DSCAM: variants seen among roughly 807,000 people sequenced by gnomAD.
The protein encoded by DSCAM is DS cell adhesion molecule.
DSCAM carries 47 observed loss-of-function variants against 217.7 expected under a neutral mutation model. The ratio of observed to expected loss-of-function variants is 0.22; its 90% CI spans 0.17 to 0.28. The LOEUF (loss-of-function observed/expected upper bound fraction) is 0.28. Ranked by LOEUF, DSCAM falls within the 10% of genes least tolerant of loss-of-function variation. The pLI is 1.00. For synonymous variants in DSCAM, 1,056 were observed against 1,015.3 expected (o/e 1.04, Z -0.76); for missense variants, 2,080 against 2,618.3 (o/e 0.79, Z 4.49).
intron 4 of DSCAM, among the ~76,000 whole-genome samples, 171 bp downstream of exon 4, chr21:40,368,928 T>C (rs2074863450): frequency 6.6e-6 from 1 of 152,252 alleles, no homozygotes; most frequent in Non-Finnish European, 1.5e-5. Context: ...TGTATTTCTA[T>C]GAAATTGTAC....
intron 1 of DSCAM, among the ~76,000 whole-genome samples, chr21:40,807,966 G>C (rs570377997): frequency 3.1e-4 from 47 of 152,304 alleles, no homozygotes; most frequent in African/African-American, 9.6e-4. Flanking sequence ...CTGCTGTCCA[G>C]ATTCCTACTT....
chr21:40,597,500 C>CTTTTTTTTTTTTTTTTTTT (rs10530311), intron 3 of DSCAM, among the ~76,000 whole-genome samples: 1 of 75,854 alleles, frequency 1.3e-5, no homozygotes, highest in Non-Finnish European at 2.3e-5. Context: ...CAGTAATAGG[C>CTTTTTTTTTTTTTTTTTTT]TTTTTTTTTT....
intron 3 of DSCAM, among the ~76,000 whole-genome samples, chr21:40,506,613 T>C (rs2076212089): frequency 6.6e-6 from 1 of 152,162 alleles, no homozygotes; most frequent in African/African-American, 2.4e-5. Flanking sequence ...TTTGTATATA[T>C]GGCCAAAGAA....
At chr21:40,142,456 C>T (rs2090303314) in intron 18 of DSCAM, 102 bp downstream of exon 18, 2 of 1,298,682 alleles carry the variant, frequency 1.5e-6, no homozygotes, top group East Asian at 4.7e-5. Flanking sequence ...TAAAGAGGTG[C>T]CCGCCATATC....
intron 11 of DSCAM, among the ~76,000 whole-genome samples, chr21:40,227,153 G>C (rs1302231552): frequency 6.6e-6 from 1 of 151,944 alleles, no homozygotes; most frequent in East Asian, 1.9e-4. Flanking sequence ...TTAGGCTCTA[G>C]GAGGAAAAAA....
rs61560593 is a variant in DSCAM at position 40,512,010 on chromosome 21, A to AAAAAAAAAAAAAAAT, written c.509-142766_509-142765insATTTTTTTTTTTTTT. Among the ~76,000 whole-genome samples, 18 of 106,410 alleles carry AAAAAAAAAAAAAAAT rather than the reference A, an allele frequency of 1.7e-4. 4 individuals carry two copies. Among genetic ancestry groups the AAAAAAAAAAAAAAAT allele is most frequent in the Admixed American group, 2.1e-4 (2 of 9,346 alleles). 69.8% of individuals were successfully genotyped at this position (106,410 alleles called of 152,430 possible). Reference sequence around the variant, plus strand: ...TGTCTCAAAAAAAAAAAAAAAAAAAAGTATTCTATTTGAGGTCTTGCTTTT... The same window carrying AAAAAAAAAAAAAAAT: ...TGTCTCAAAAAAAAAAAAAAAAAAAAAAAAAAAAAAAAAATGTATTCTATTTGAGGTCTTGCTTTT... On this transcript the variant is annotated intron_variant, in intron 3 of 32. Transcript: ENST00000400454.
intron 27 of DSCAM, 37 bp downstream of exon 27, chr21:40,075,000 G>A (rs1357540975): frequency 1.2e-6 from 2 of 1,606,960 alleles, no homozygotes; most frequent in Admixed American, 1.7e-5. Context: ...AGAGCAGCAG[G>A]GGACACGCGT....
intron 6 of DSCAM, among the ~76,000 whole-genome samples, chr21:40,342,226 T>C (rs1452979808): frequency 6.6e-6 from 1 of 152,176 alleles, no homozygotes; most frequent in Non-Finnish European, 1.5e-5. Context: ...TATCTTATAA[T>C]GATCTGATAC....
intron 19 of DSCAM, among the ~76,000 whole-genome samples, chr21:40,125,191 C>T (rs947815834): frequency 6.6e-6 from 1 of 152,162 alleles, no homozygotes; most frequent in Non-Finnish European, 1.5e-5. Context: ...CCTCTGTAAA[C>T]CAGCTAAGAA....
At chr21:40,767,225 A>G (rs1490662476) in intron 1 of DSCAM, among the ~76,000 whole-genome samples, 2 of 152,138 alleles carry the variant, frequency 1.3e-5, no homozygotes, top group Admixed American at 6.5e-5. Flanking sequence ...TCCTTTTCCT[A>G]CTAGAGTAAG....
At chr21:40,365,023 A>G (rs1408550712) in intron 4 of DSCAM, among the ~76,000 whole-genome samples, 1 of 150,754 alleles carries the variant, frequency 6.6e-6, no homozygotes, top group Non-Finnish European at 1.5e-5. Context: ...CACTTATCCC[A>G]CTATATATGC....
chr21:40,473,534 C>G (rs756954499), intron 3 of DSCAM, among the ~76,000 whole-genome samples: 2 of 152,178 alleles, frequency 1.3e-5, no homozygotes, highest in Non-Finnish European at 2.9e-5. Flanking sequence ...ACTGAGGGCT[C>G]TGAAATTGGG....
chr21:40,589,814 A>G (rs2076971636), intron 3 of DSCAM, among the ~76,000 whole-genome samples: 1 of 152,162 alleles, frequency 6.6e-6, no homozygotes, highest in Non-Finnish European at 1.5e-5. Flanking sequence ...CACACAAACT[A>G]TTTGAGAATA....
chr21:40,773,832 G>C (rs2091466530), intron 1 of DSCAM, among the ~76,000 whole-genome samples: 1 of 152,192 alleles, frequency 6.6e-6, no homozygotes, highest in South Asian at 2.1e-4. Context: ...TTGTAAGTAA[G>C]GGAATAATCC....
intron 3 of DSCAM, among the ~76,000 whole-genome samples, chr21:40,631,298 G>A (rs987606195): frequency 3.9e-5 from 6 of 152,136 alleles, no homozygotes; most frequent in African/African-American, 9.7e-5. Context: ...AAATCTCACC[G>A]CTTGATAATT....
chr21:40,145,810 A>C (rs2090348372), intron 16 of DSCAM, among the ~76,000 whole-genome samples: 2 of 151,836 alleles, frequency 1.3e-5, no homozygotes, highest in South Asian at 4.2e-4. Context: ...GCCCCACTGC[A>C]CTCCAGCCTG....
At chr21:40,778,169 C>T (rs754849753) in intron 1 of DSCAM, among the ~76,000 whole-genome samples, 5 of 151,988 alleles carry the variant, frequency 3.3e-5, no homozygotes, top group South Asian at 4.2e-4. Context: ...AAAAGGAACA[C>T]GACCTTAAAA....
intron 6 of DSCAM, among the ~76,000 whole-genome samples, 179 bp downstream of exon 6, chr21:40,347,491 G>A (rs1007823933): frequency 3.9e-5 from 6 of 152,114 alleles, no homozygotes; most frequent in South Asian, 2.1e-4. Context: ...TTTTATTTTC[G>A]TCAGAACTTT....
chr21:40,629,206 G>A (rs550652805), intron 3 of DSCAM, among the ~76,000 whole-genome samples: 1 of 152,032 alleles, frequency 6.6e-6, no homozygotes, highest in South Asian at 2.1e-4. Context: ...TTATGCAGAG[G>A]CCCAGAGATT....
Sources: gnomAD v4.1 joint callset for allele counts (sites outside exome capture counted in the v4.1 genomes callset) on GRCh38, gnomAD v4.1.1 for gene constraint, MANE v1.5 for transcripts, NCBI Gene and HGNC (gene_info 2026-07-23, HGNC 2026-07-21) for gene names.